The following BRCA1 variants were observed in gnomAD, a reference collection of about 807,000 sequenced individuals.
BRCA1 encodes BRCA1 DNA repair associated.
Under a neutral mutation model 173.7 loss-of-function variants are expected in BRCA1, and 140 were observed. The observed-to-expected ratio is 0.81, with a 90% confidence interval of 0.70 to 0.93. The LOEUF (loss-of-function observed/expected upper bound fraction) is 0.93. Ranked by LOEUF, BRCA1 falls within the 40% of genes least tolerant of loss-of-function variation. BRCA1 has a pLI of 0.00. For synonymous variants in BRCA1, 662 were observed against 756.0 expected (o/e 0.88, Z 2.04); for missense variants, 1,983 against 2,172.5 (o/e 0.91, Z 1.73).
intron 20 of BRCA1, 27 bp downstream of exon 20, chr17:43,051,036 A>T: frequency 1.9e-6 from 3 of 1,607,366 alleles, no homozygotes; most frequent in Non-Finnish European, 2.6e-6. Context: ...CTGGTGCTGG[A>T]ACTCTGGGGT....
Position 43,091,622 on chromosome 17 carries a change from C to T in BRCA1, c.3909G>A (p.Leu1303=), listed in dbSNP as rs1597860507. The T allele has an allele frequency of 6.2e-7, 1 of 1,614,076 alleles. No individual in the cohort carries two copies. The highest frequency in any genetic ancestry group is 1.3e-5 in the African/African-American group (1 of 74,928). Residue 1303 remains leucine, a synonymous_variant, in exon 10 of 23, where the codon TTG becomes TTA. Coordinates refer to ENST00000357654, the MANE Select transcript of BRCA1 (RefSeq NM_007294.4). The part of the protein sequence containing the change: ...ASLFSSQCSE[L]EDLTANTNTQ... ...TGTTTGTATTTGCAGTCAAGTCTTC[C>T]AATTCACTGCACTGTGAAGAAAACA...
intron 19 of BRCA1, among the ~76,000 whole-genome samples, chr17:43,054,744 ATTT>A (rs11347376): frequency 1.5e-5 from 2 of 137,562 alleles, no homozygotes; most frequent in African/African-American, 2.7e-5. Flanking sequence ...CCCAGCTGGG[ATTT>A]TTTTTTTTTT....
At position 43,062,603 on chromosome 17, in the gene BRCA1, T is replaced by A. The variant is rs186955850; in HGVS notation, c.5193+730A>T. Among the ~76,000 whole-genome samples, 211 of 145,722 alleles carry A rather than the reference T, an allele frequency of 1.4e-3. 6 individuals carry two copies. The East Asian group carries it at 0.036, about 25-fold the overall frequency. On this transcript the variant is annotated intron_variant, in intron 18 of 22. Transcript: ENST00000357654. Reference sequence around the variant, plus strand: ...GGATATCCTGGTTTGCGCTGCAAAATTTTTTTTTTTTTTAAGACGGAGTCT... The same window carrying A: ...GGATATCCTGGTTTGCGCTGCAAAAATTTTTTTTTTTTTAAGACGGAGTCT...
intron 1 of BRCA1, 155 bp downstream of exon 1, chr17:43,125,116 C>T (rs2055812728): frequency 4.5e-6 from 2 of 444,982 alleles, no homozygotes; most frequent in Non-Finnish European, 9.1e-6. Context: ...CAAACTGCCC[C>T]CCTCCCCAGG....
At position 43,044,869 on chromosome 17, in the gene BRCA1, T is replaced by A; in HGVS notation, c.*809A>T. Reference sequence around the variant, plus strand: ...CCCAGGCTGGAGTGCCGTGGTATGATCTTGGCTCACTGCAACCTCCACCTC... The same window carrying A: ...CCCAGGCTGGAGTGCCGTGGTATGAACTTGGCTCACTGCAACCTCCACCTC... On this transcript the variant is annotated 3_prime_UTR_variant, in exon 23 of 23. Coordinates refer to ENST00000357654, the MANE Select transcript of BRCA1 (RefSeq NM_007294.4). 1 of 476,100 alleles carries A rather than the reference T, an allele frequency of 2.1e-6. No homozygotes were observed. The highest frequency in any genetic ancestry group is 4.1e-6 in the Non-Finnish European group (1 of 242,676). The allele number at this position is 476,100 out of a possible 1,614,324, so 29.5% of individuals were successfully genotyped here. A position where few individuals can be genotyped will look rare whatever the true frequency, so the allele number is the denominator to read the frequency against.
rs1408289765 is a variant in BRCA1, at chr17:43,145,239, A to G, written c.-19-21124T>C. The G allele has an allele frequency of 4.3e-6, 3 of 694,370 alleles. No homozygotes were observed. In the Admixed American group the frequency reaches 5.4e-5, roughly 13 times the overall value. 43.0% of individuals were successfully genotyped at this position (694,370 alleles called of 1,614,324 possible). ...CCAGCCTCTGATGAAGCAGGAGATA[A>G]AGAAGCCAAGTCTGATGAATACCAT... is the stretch of plus-strand genomic sequence containing the variant. On this transcript the variant is annotated intron_variant, in intron 1 of 7. Coordinates refer to the BRCA1 transcript ENST00000634433.
At chr17:43,145,130 A>G in intron 1 of BRCA1, 2 of 712,888 alleles carry the variant, frequency 2.8e-6, no homozygotes, top group South Asian at 2.7e-5. Context: ...AGGGGAGCAA[A>G]GGGAAAACAG....
intron 1 of BRCA1, among the ~76,000 whole-genome samples, chr17:43,155,152 T>A (rs1213832572): frequency 1.3e-5 from 2 of 152,042 alleles, no homozygotes; most frequent in East Asian, 3.9e-4. Context: ...TTTTAAATCT[T>A]TAGCTTTATT....
At chr17:43,053,800 T>A (rs1218899419) in intron 19 of BRCA1, among the ~76,000 whole-genome samples, 1 of 151,650 alleles carries the variant, frequency 6.6e-6, no homozygotes, top group African/African-American at 2.4e-5. Context: ...AGAAACCCCA[T>A]CTCTACTAAA....
upstream of BRCA1, among the ~76,000 whole-genome samples, chr17:43,129,676 G>A (rs1371361263): frequency 6.6e-6 from 1 of 152,054 alleles, no homozygotes; most frequent in Non-Finnish European, 1.5e-5. Context: ...GGGTTTCACC[G>A]CGTTAGCCAG....
Position 43,091,904 on chromosome 17 carries a change from T to C in BRCA1, c.3627A>G (p.Leu1209=), listed in dbSNP as rs770579978. The C allele has an allele frequency of 3.7e-6, 6 of 1,614,196 alleles. No homozygotes were observed. Among genetic ancestry groups the C allele is most frequent in the Non-Finnish European group, 5.1e-6 (6 of 1,180,012 alleles). The change falls in exon 10 of 23, where the codon TTA becomes TTG. Residue 1209 remains leucine (L), a synonymous_variant. Transcript: ENST00000357654. ...AQGYRRGAKK[L]ESSEENLSSE... Reference sequence around the variant, plus strand: ...TAGATAAGTTCTCTTCTGAGGACTCTAATTTCTTGGCCCCTCTTCGGTAAC... The same window carrying C: ...TAGATAAGTTCTCTTCTGAGGACTCCAATTTCTTGGCCCCTCTTCGGTAAC...
At chr17:43,079,451 A>C (rs1336444388) in intron 12 of BRCA1, 11 of 1,479,976 alleles carry the variant, frequency 7.4e-6, no homozygotes, top group East Asian at 2.3e-5. Context: ...CTGTTCAAAA[A>C]GGAATGCCCC....
intron 3 of BRCA1, among the ~76,000 whole-genome samples, chr17:43,113,382 T>G (rs1362779884): frequency 6.6e-6 from 1 of 151,534 alleles, no homozygotes; most frequent in African/African-American, 2.4e-5. Flanking sequence ...CTTTTCTTTT[T>G]TTTCAGACAG....
chr17:43,067,836 A>ATTTTTT (rs11421283), intron 15 of BRCA1, 141 bp from the exon 16 acceptor site: 445 of 215,194 alleles, frequency 2.1e-3, no homozygotes, highest in South Asian at 5.6e-3. Flanking sequence ...TTTAAAGTGA[A>ATTTTTT]TTTTTTTTTT....
upstream of BRCA1, among the ~76,000 whole-genome samples, chr17:43,127,217 A>G (rs1288344877): frequency 6.6e-6 from 1 of 152,216 alleles, no homozygotes; most frequent in African/African-American, 2.4e-5. Flanking sequence ...GGCGCCCGGC[A>G]CAGCCCTGCG....
chr17:43,093,526 T>C lies in BRCA1; in HGVS notation c.2005A>G (p.Met669Val), dbSNP rs561988641. 6 of 1,614,074 alleles carry C rather than the reference T, an allele frequency of 3.7e-6. No individual in the cohort carries two copies. In the South Asian group the frequency reaches 6.6e-5, roughly 18 times the overall value. Residue 669 changes from methionine (M) to valine (V), a missense_variant, in exon 10 of 23, where the codon ATG becomes GTG. Physicochemically the swap from Met to Val is conservative, Grantham distance 21 (BLOSUM62 1). Transcript: ENST00000357654. ...PVRHSRNLQLMEGKEPATGAK... is the reference protein window; with the variant it reads ...PVRHSRNLQLVEGKEPATGAK... ...CCAGTTGCAGGTTCTTTACCTTCCA[T>C]GAGTTGTAGGTTTCTGCTGTGCCTG...
chr17:43,119,403 T>C (rs2055446164), intron 2 of BRCA1: 1 of 227,628 alleles, frequency 4.4e-6, no homozygotes, highest in Non-Finnish European at 8.7e-6. Context: ...AGAAAAACAA[T>C]GAACTAAGTC....
At chr17:43,115,828 T>G (rs2055270926) in intron 2 of BRCA1, 49 bp from the exon 3 acceptor site, 1 of 1,553,168 alleles carries the variant, frequency 6.4e-7, no homozygotes, top group African/African-American at 1.4e-5. Flanking sequence ...GCTCAATAAT[T>G]TATTTAAAAA....
chr17:43,074,090 C>T (rs192877587), intron 14 of BRCA1, among the ~76,000 whole-genome samples: 11 of 152,066 alleles, frequency 7.2e-5, no homozygotes, highest in Non-Finnish European at 1.0e-4. Flanking sequence ...CCAAGACTCC[C>T]TCATCCTCAA....
Sources: allele counts gnomAD v4.1 joint callset (sites outside exome capture counted in the v4.1 genomes callset), GRCh38; gene constraint gnomAD v4.1.1; transcripts MANE v1.5; gene names NCBI Gene and HGNC (gene_info 2026-07-23, HGNC 2026-07-21).